The following MGMT variants were observed in gnomAD, a reference collection of about 807,000 sequenced individuals.
MGMT encodes O-6-methylguanine-DNA methyltransferase.
MGMT carries 14 observed loss-of-function variants against 15.9 expected under a neutral mutation model. The ratio of observed to expected loss-of-function variants is 0.88; its 90% confidence interval spans 0.58 to 1.37. MGMT has a LOEUF of 1.37. Among genes scored for constraint, MGMT ranks in the 40% most tolerant of loss-of-function variants. The pLI, the probability that MGMT is intolerant of heterozygous loss-of-function variation, is 0.00. For synonymous variants in MGMT, 130 were observed against 118.2 expected, an observed-to-expected ratio of 1.10 and a Z score of -0.65; for missense variants, 282 against 268.1, an observed-to-expected ratio of 1.05 and a Z score of -0.36.
chr10:129,557,405 G>A (rs1846226324), intron 2 of MGMT, among the ~76,000 whole-genome samples: 1 of 152,036 alleles, frequency 6.6e-6, no homozygotes, highest in African/African-American at 2.4e-5. Context: ...GTCAACTCGG[G>A]TAGAATTTTA....
intron 1 of MGMT, among the ~76,000 whole-genome samples, chr10:129,493,518 G>A (rs1416569829): frequency 2.0e-5 from 3 of 151,988 alleles, no homozygotes; most frequent in Non-Finnish European, 2.9e-5. Context: ...CAAAACAACT[G>A]GTTTGGTTTT....
At chr10:129,680,495 G>A (rs983142462) in intron 2 of MGMT, among the ~76,000 whole-genome samples, 1 of 152,108 alleles carries the variant, frequency 6.6e-6, no homozygotes, top group South Asian at 2.1e-4. Context: ...GAAGGTTCAG[G>A]AATTCTACCG....
At chr10:129,552,899 A>G (rs1318972662) in intron 2 of MGMT, among the ~76,000 whole-genome samples, 1 of 152,220 alleles carries the variant, frequency 6.6e-6, no homozygotes, top group Non-Finnish European at 1.5e-5. Flanking sequence ...TAATGTATGT[A>G]AAAATATTAA....
chr10:129,611,704 AGGCCGGG>A (rs1228291420), intron 2 of MGMT, among the ~76,000 whole-genome samples: 2 of 152,104 alleles, frequency 1.3e-5, no homozygotes, highest in Admixed American at 1.3e-4. Context: ...TCCCAAATTG[AGGCCGGG>A]GGCCTAAGTC....
intron 1 of MGMT, among the ~76,000 whole-genome samples, chr10:129,474,496 G>A (rs1186709649): frequency 6.6e-6 from 1 of 152,182 alleles, no homozygotes; most frequent in Non-Finnish European, 1.5e-5. Flanking sequence ...TTTATGTGAG[G>A]GAAGCCAGAT....
chr10:129,766,642 A>T, intron 4 of MGMT, 146 bp from the exon 5 acceptor site: 1 of 679,270 alleles, frequency 1.5e-6, no homozygotes. Flanking sequence ...GACATAGCTG[A>T]CACCCACCCA....
At chr10:129,732,467 C>T (rs1386118970) in intron 3 of MGMT, among the ~76,000 whole-genome samples, 2 of 151,892 alleles carry the variant, frequency 1.3e-5, no homozygotes, top group Non-Finnish European at 2.9e-5. Flanking sequence ...ATCCATGTCC[C>T]TGCAAAGGAC....
At chr10:129,747,232 T>C (rs777617705) in intron 3 of MGMT, among the ~76,000 whole-genome samples, 10 of 152,290 alleles carry the variant, frequency 6.6e-5, no homozygotes, top group Non-Finnish European at 1.3e-4. Flanking sequence ...TGTCTGCAAA[T>C]AGGGAGAGTT....
intron 3 of MGMT, among the ~76,000 whole-genome samples, chr10:129,748,787 C>T (rs1848723017): frequency 1.3e-5 from 2 of 152,184 alleles, no homozygotes; most frequent in South Asian, 4.1e-4. Context: ...TTCTTCTAGC[C>T]TCCTCTCCTT....
chr10:129,571,855 C>T (rs535739964), intron 2 of MGMT, among the ~76,000 whole-genome samples: 2 of 152,154 alleles, frequency 1.3e-5, no homozygotes, highest in Non-Finnish European at 2.9e-5. Flanking sequence ...CTTTTATATG[C>T]ATGCATCAGA....
chr10:129,576,678 C>T (rs1846487104), intron 2 of MGMT, among the ~76,000 whole-genome samples: 1 of 152,198 alleles, frequency 6.6e-6, no homozygotes, highest in Non-Finnish European at 1.5e-5. Flanking sequence ...GTTGGAAGTT[C>T]TGGCCAGGGC....
intron 2 of MGMT, among the ~76,000 whole-genome samples, chr10:129,538,361 G>A (rs1362517180): frequency 6.6e-6 from 1 of 152,144 alleles, no homozygotes; most frequent in Admixed American, 6.5e-5. Flanking sequence ...GAATTGCTGG[G>A]CTGGATGGCA....
intron 1 of MGMT, among the ~76,000 whole-genome samples, chr10:129,510,307 C>T (rs769757751): frequency 6.6e-6 from 1 of 152,066 alleles, no homozygotes; most frequent in South Asian, 2.1e-4. Context: ...GGAATTGACA[C>T]CTGAGAATGG....
chr10:129,530,477 G>A (rs1208600847), intron 1 of MGMT, among the ~76,000 whole-genome samples: 1 of 152,190 alleles, frequency 6.6e-6, no homozygotes, highest in Admixed American at 6.5e-5. Flanking sequence ...TAGCTCCTGT[G>A]TAGGGGTGCT....
chr10:129,601,779 C>CT (rs1462646641), intron 2 of MGMT, among the ~76,000 whole-genome samples: 2 of 152,218 alleles, frequency 1.3e-5, no homozygotes, highest in East Asian at 3.8e-4. Context: ...CACACTTGGT[C>CT]TTTGCAAGAA....
chr10:129,719,586 G>C (rs945125035), intron 3 of MGMT, among the ~76,000 whole-genome samples: 1 of 152,132 alleles, frequency 6.6e-6, no homozygotes, highest in African/African-American at 2.4e-5. Flanking sequence ...TCCTCACTAG[G>C]CCTTTCCTCT....
At chr10:129,536,181 G>A (rs1166816316) in intron 1 of MGMT, 60 bp from the exon 2 acceptor site, 4 of 1,575,620 alleles carry the variant, frequency 2.5e-6, no homozygotes, top group Non-Finnish European at 3.5e-6. Context: ...TCTGTTGTGT[G>A]TTTTATATAC....
intron 2 of MGMT, among the ~76,000 whole-genome samples, chr10:129,580,402 C>G (rs752165566): frequency 1.3e-5 from 2 of 152,162 alleles, no homozygotes; most frequent in Non-Finnish European, 2.9e-5. Context: ...TGGAGAGGTG[C>G]AACAGTTTCC....
intron 2 of MGMT, among the ~76,000 whole-genome samples, chr10:129,674,565 C>G (rs1191565521): frequency 6.6e-6 from 1 of 152,264 alleles, no homozygotes; most frequent in Non-Finnish European, 1.5e-5. Flanking sequence ...ATGTGTTTCT[C>G]TTTGGTAACC....
Sources: gnomAD v4.1 joint callset for allele counts (sites outside exome capture counted in the v4.1 genomes callset) on GRCh38, gnomAD v4.1.1 for gene constraint, MANE v1.5 for transcripts, NCBI Gene and HGNC (gene_info 2026-07-23, HGNC 2026-07-21) for gene names.